ZCCHC24: variants seen among roughly 807,000 people sequenced by gnomAD.
The protein encoded by ZCCHC24 is zinc finger CCHC-type containing 24, also known as zinc finger CCHC domain-containing protein 24.
Under a neutral mutation model 26.2 loss-of-function variants are expected in ZCCHC24, and 10 were observed. The observed-to-expected ratio is 0.38, with a 90% CI of 0.24 to 0.65. ZCCHC24 has a LOEUF of 0.65. Among genes scored for constraint, ZCCHC24 ranks in the 30% least tolerant of loss-of-function variants. The pLI is 0.54. For missense variants in ZCCHC24, 243 were observed against 329.1 expected, an observed-to-expected ratio of 0.74 and a Z score of 2.03; for synonymous variants, 144 against 147.1, an observed-to-expected ratio of 0.98 and a Z score of 0.15.
At chr10:79,406,772 G>A (rs528246987) in intron 2 of ZCCHC24, among the ~76,000 whole-genome samples, 2 of 152,334 alleles carry the variant, frequency 1.3e-5, no homozygotes, top group Non-Finnish European at 2.9e-5. Flanking sequence ...CTGAACCCAG[G>A]CCTGACTGAC....
rs1445079059 is a variant in ZCCHC24, at chr10:79,434,445, C to T, written c.247-1687G>A. ...GGAGCCAATGGGGGTCAACCTTCCA[C>T]GGCATGGGGGAGAGTTCTGATAAAA... On this transcript the variant is annotated intron_variant, in intron 1 of 3. Coordinates refer to ENST00000372336, the MANE Select transcript of ZCCHC24 (RefSeq NM_153367.4). Among the ~76,000 whole-genome samples the T allele has an allele frequency of 3.9e-5, 6 of 152,172 alleles. No homozygotes were observed. In the East Asian group the frequency reaches 7.7e-4, roughly 20 times the overall value.
At chr10:79,393,816 C>T (rs895041876) in intron 3 of ZCCHC24, among the ~76,000 whole-genome samples, 5 of 151,976 alleles carry the variant, frequency 3.3e-5, no homozygotes, top group South Asian at 2.1e-4. Flanking sequence ...GCCTAGCTTC[C>T]CCCCATCCTC....
chr10:79,394,113 T>C (rs755810632), intron 3 of ZCCHC24, among the ~76,000 whole-genome samples, 163 bp downstream of exon 3: 58 of 152,206 alleles, frequency 3.8e-4, no homozygotes, highest in Admixed American at 8.5e-4. Flanking sequence ...AGTTGCCCCA[T>C]CATCCTCCTT....
At chr10:79,415,866 T>G (rs2132199984) in intron 2 of ZCCHC24, among the ~76,000 whole-genome samples, 1 of 152,286 alleles carries the variant, frequency 6.6e-6, no homozygotes, top group Non-Finnish European at 1.5e-5. Flanking sequence ...GAACCCCTTG[T>G]AGGCTATGGA....
rs182599256 is a variant in ZCCHC24 at position 79,435,576 on chromosome 10, T to G, written c.247-2818A>C. Reference sequence around the variant, plus strand: ...CACCTCTAGTGCCCTCCAGCCTGTCTCCAGGGAATTAGGGCCCATCCCCCA... The same window carrying G: ...CACCTCTAGTGCCCTCCAGCCTGTCGCCAGGGAATTAGGGCCCATCCCCCA... On this transcript the variant is annotated intron_variant, in intron 1 of 3. Transcript: ENST00000372336. Among the ~76,000 whole-genome samples the G allele has an allele frequency of 9.1e-4, 138 of 152,246 alleles. 5 individuals carry two copies. In the East Asian group the frequency reaches 0.024, roughly 27 times the overall value.
At chr10:79,443,038 C>G (rs1372376094) in intron 1 of ZCCHC24, among the ~76,000 whole-genome samples, 1 of 152,156 alleles carries the variant, frequency 6.6e-6, no homozygotes, top group African/African-American at 2.4e-5. Flanking sequence ...GTCTCAAATA[C>G]TATAGATATA....
intron 2 of ZCCHC24, among the ~76,000 whole-genome samples, chr10:79,410,039 T>C (rs187066602): frequency 1.3e-5 from 2 of 152,362 alleles, no homozygotes; most frequent in African/African-American, 4.8e-5. Flanking sequence ...AGGAGGCCCA[T>C]TCTGGCCCTC....
chr10:79,391,312 G>A (rs1856475723), intron 3 of ZCCHC24, among the ~76,000 whole-genome samples: 1 of 152,138 alleles, frequency 6.6e-6, no homozygotes, highest in African/African-American at 2.4e-5. Context: ...GGATGGAGAT[G>A]GCGAGGCAGG....
At chr10:79,423,581 C>CTATATATATATTTTATA in intron 2 of ZCCHC24, among the ~76,000 whole-genome samples, 12,829 of 53,344 alleles carry the variant, frequency 0.24, 1,853 homozygotes, top group East Asian at 0.46. Flanking sequence ...AATATATATA[C>CTATATATATATTTTATA]TATATATATA....
intron 1 of ZCCHC24, among the ~76,000 whole-genome samples, chr10:79,440,392 C>A (rs1857276726): frequency 6.6e-6 from 1 of 151,966 alleles, no homozygotes; most frequent in African/African-American, 2.4e-5. Flanking sequence ...GGTAGGAAAC[C>A]CAGTACTCAT....
At chr10:79,394,573 A>G in intron 2 of ZCCHC24, 133 bp from the exon 3 acceptor site, 3 of 1,447,798 alleles carry the variant, frequency 2.1e-6, no homozygotes, top group East Asian at 2.4e-5. Context: ...TCCCCAGTCT[A>G]GATAATACCA....
chr10:79,426,849 G>T (rs1306921162), intron 2 of ZCCHC24, among the ~76,000 whole-genome samples: 5 of 152,128 alleles, frequency 3.3e-5, no homozygotes, highest in Non-Finnish European at 5.9e-5. Context: ...ACGTCAAAAA[G>T]AGCATTAAAT....
At chr10:79,388,212 T>C (rs1193467318) in intron 3 of ZCCHC24, among the ~76,000 whole-genome samples, 15 of 152,138 alleles carry the variant, frequency 9.9e-5, no homozygotes, top group Non-Finnish European at 1.5e-5. Flanking sequence ...AGATAATGAA[T>C]ACAAACAGCC....
chr10:79,413,832 C>T (rs2132197939), intron 2 of ZCCHC24, among the ~76,000 whole-genome samples: 1 of 151,456 alleles, frequency 6.6e-6, no homozygotes, highest in East Asian at 2.0e-4. Context: ...GATGTGATAG[C>T]CTCTAATGTC....
intron 2 of ZCCHC24, among the ~76,000 whole-genome samples, chr10:79,425,932 GCTAGACCATGA>G (rs1857021038): frequency 6.6e-6 from 1 of 152,144 alleles, no homozygotes; most frequent in Admixed American, 6.5e-5. Flanking sequence ...CCGGACCATG[GCTAGACCATGA>G]CTAGACCATG....
Position 79,430,128 on chromosome 10 carries a change from G to T in ZCCHC24, c.447+2430C>A, listed in dbSNP as rs145671464. ...ATTTACTAAGCACTTCCTGTGTCCA[G>T]GCACTGTGCTAAGCACCTTCCATGC... On this transcript the variant is annotated intron_variant, in intron 2 of 3. Transcript: ENST00000372336. Among the ~76,000 whole-genome samples the T allele has an allele frequency of 2.6e-3, 389 of 152,286 alleles. 5 individuals carry two copies. Among genetic ancestry groups the T allele is most frequent in the African/African-American group, 8.6e-3 (358 of 41,548 alleles).
intron 2 of ZCCHC24, among the ~76,000 whole-genome samples, chr10:79,400,878 G>A (rs1708744617): frequency 1.3e-5 from 2 of 152,256 alleles, no homozygotes; most frequent in Non-Finnish European, 2.9e-5. Flanking sequence ...TTTAAGGGAA[G>A]CCAGACATGT....
intron 2 of ZCCHC24, among the ~76,000 whole-genome samples, chr10:79,416,436 G>T (rs1010808768): frequency 6.6e-6 from 1 of 152,152 alleles, no homozygotes; most frequent in African/African-American, 2.4e-5. Flanking sequence ...GGTGTCCAGG[G>T]GGCCCTTGAT....
chr10:79,382,618 A>G lies in ZCCHC24; in HGVS notation c.*3727T>C, dbSNP rs1257292206. Reference sequence around the variant, plus strand: ...AACAGAGAAGGATAAGCCCGCTGCCACAGCCCCCAGGGGACCGCTTGGCCA... The same window carrying G: ...AACAGAGAAGGATAAGCCCGCTGCCGCAGCCCCCAGGGGACCGCTTGGCCA... On this transcript the variant is annotated 3_prime_UTR_variant, in exon 4 of 4. Coordinates refer to ENST00000372336, the MANE Select transcript of ZCCHC24 (RefSeq NM_153367.4). 6.5e-6 allele frequency: 1 copy of G among 152,936 alleles called. No homozygotes were observed. Among genetic ancestry groups the G allele is most frequent in the Admixed American group, 6.5e-5 (1 of 15,290 alleles). The allele number at this position is 152,936 out of a possible 1,614,324, so 9.5% of individuals were successfully genotyped here.
Sources: allele counts gnomAD v4.1 joint callset (sites outside exome capture counted in the v4.1 genomes callset), GRCh38; gene constraint gnomAD v4.1.1; transcripts MANE v1.5; gene names NCBI Gene and HGNC (gene_info 2026-07-23, HGNC 2026-07-21).